The following PAFAH1B1 variants were observed in gnomAD, a reference collection of about 807,000 sequenced individuals.
PAFAH1B1 encodes the protein platelet activating factor acetylhydrolase 1b regulatory subunit 1, also known as platelet-activating factor acetylhydrolase IB subunit beta.
A neutral mutation model predicts 57.5 loss-of-function variants in PAFAH1B1; 2 were observed. That is an observed-to-expected ratio of 0.03 (90% CI 0.01 to 0.11). The LOEUF is 0.11. PAFAH1B1 is among the 10% of genes least tolerant of loss of function. The pLI is 1.00. For synonymous variants in PAFAH1B1, 152 were observed against 169.6 expected (o/e 0.90, Z 0.81); for missense variants, 257 against 512.0 (o/e 0.50, Z 4.81).
At chr17:2,631,163 C>T (rs1380170359) in intron 1 of PAFAH1B1, among the ~76,000 whole-genome samples, 2 of 152,034 alleles carry the variant, frequency 1.3e-5, no homozygotes, top group Non-Finnish European at 1.5e-5. Context: ...ATCACTAGAA[C>T]CCGGGAGGCA....
intron 1 of PAFAH1B1, among the ~76,000 whole-genome samples, chr17:2,637,050 T>G (rs1167520637): frequency 6.6e-6 from 1 of 152,160 alleles, no homozygotes; most frequent in African/African-American, 2.4e-5. Context: ...TTCACTGGCT[T>G]ATTCATTACT....
rs1427151210 is a variant in PAFAH1B1 at position 2,665,510 on chromosome 17, A to T, written c.117+54A>T. 5 of 1,020,906 alleles carry T rather than the reference A, an allele frequency of 4.9e-6. No individual in the cohort carries two copies. In the Admixed American group the frequency reaches 6.8e-5, roughly 14 times the overall value. 63.2% of individuals were successfully genotyped at this position (1,020,906 alleles called of 1,614,324 possible). A position where few individuals can be genotyped will look rare whatever the true frequency, so the allele number is the denominator to read the frequency against. Reference sequence around the variant, plus strand: ...ATAGTTAATGAGTGGATTTTCACTCAAGTATCTGTAGTTAACAGTTACGCA... The same window carrying T: ...ATAGTTAATGAGTGGATTTTCACTCTAGTATCTGTAGTTAACAGTTACGCA... On this transcript the variant is annotated intron_variant, in intron 3 of 10. Coordinates refer to ENST00000397195, the MANE Select transcript of PAFAH1B1 (RefSeq NM_000430.4).
chr17:2,646,846 C>G (rs1451644813), intron 2 of PAFAH1B1, among the ~76,000 whole-genome samples: 1 of 152,084 alleles, frequency 6.6e-6, no homozygotes, highest in Non-Finnish European at 1.5e-5. Context: ...ATCTTAAGGA[C>G]CATTTGCTTC....
intron 1 of PAFAH1B1, among the ~76,000 whole-genome samples, chr17:2,610,166 C>T (rs2068251751): frequency 6.6e-6 from 1 of 152,168 alleles, no homozygotes; most frequent in Non-Finnish European, 1.5e-5. Flanking sequence ...GCAGTTCTAT[C>T]ATTGGTGTTC....
chr17:2,657,800 C>A (rs2068956984), intron 2 of PAFAH1B1, among the ~76,000 whole-genome samples: 1 of 152,122 alleles, frequency 6.6e-6, no homozygotes, highest in African/African-American at 2.4e-5. Flanking sequence ...AGGCAAGGGA[C>A]CATATATAAC....
chr17:2,597,581 T>G (rs1350519724), intron 1 of PAFAH1B1, among the ~76,000 whole-genome samples: 1 of 151,774 alleles, frequency 6.6e-6, no homozygotes, highest in African/African-American at 2.4e-5. Flanking sequence ...TGGCTAATTT[T>G]TGTATTTTTA....
rs1288367124 is a variant in PAFAH1B1 at position 2,684,260 on chromosome 17, T to C, written c.*2458T>C. 1 of 152,666 alleles carries C rather than the reference T, an allele frequency of 6.6e-6. No homozygotes were observed. Among genetic ancestry groups the C allele is most frequent in the African/African-American group, 2.4e-5 (1 of 41,418 alleles). 9.5% of individuals were successfully genotyped at this position (152,666 alleles called of 1,614,324 possible). A position where few individuals can be genotyped will look rare whatever the true frequency, so the allele number is the denominator to read the frequency against. On this transcript the variant is annotated 3_prime_UTR_variant, in exon 11 of 11. Transcript: ENST00000397195. ...GTCCGTCTACAACCTGGAATCAGAT[T>C]TGCAAAATTTCCTGCACTGCTGTCT...
chr17:2,684,568 C>T lies in PAFAH1B1; in HGVS notation c.*2766C>T, dbSNP rs1242090089. 1 of 152,654 alleles carries T rather than the reference C, an allele frequency of 6.6e-6. No individual in the cohort carries two copies. The highest frequency in any genetic ancestry group is 2.4e-5 in the African/African-American group (1 of 41,444). 9.5% of individuals were successfully genotyped at this position (152,654 alleles called of 1,614,324 possible). A position where few individuals can be genotyped will look rare whatever the true frequency, so the allele number is the denominator to read the frequency against. ...ATTCCAGTGCCACCCAAATATATAT[C>T]TGTAACGTGCCCAAGAAATCCTAGC... On this transcript the variant is annotated 3_prime_UTR_variant, in exon 11 of 11. Transcript: ENST00000397195.
In PAFAH1B1 at chr17:2,680,328, C is replaced by T. The variant is rs199672477; in HGVS notation, c.1159+8C>T. The T allele has an allele frequency of 6.8e-5, 110 of 1,612,984 alleles. 1 individual carries two copies. The East Asian group carries it at 1.9e-3, about 28-fold the overall frequency. On this transcript the variant is annotated splice_region_variant and intron_variant, in intron 10 of 10. Transcript: ENST00000397195. The stretch of plus-strand genomic sequence containing the variant: ...ACTTTGTTACCTCCTTGGGTATGTA[C>T]GCCTCGCGAGGTCTCTGAACATTAG...
intron 2 of PAFAH1B1, among the ~76,000 whole-genome samples, chr17:2,652,230 GA>G (rs1464171448): frequency 6.6e-6 from 1 of 151,582 alleles, no homozygotes; most frequent in African/African-American, 2.4e-5. Flanking sequence ...CTAACACGGT[GA>G]AACCCCGTCT....
At chr17:2,598,204 G>A (rs555321610) in intron 1 of PAFAH1B1, among the ~76,000 whole-genome samples, 2 of 151,926 alleles carry the variant, frequency 1.3e-5, no homozygotes, top group Admixed American at 1.3e-4. Context: ...AGCCGAGATC[G>A]CACCATTACG....
intron 2 of PAFAH1B1, chr17:2,642,554 G>GA (rs1436491487): frequency 1.3e-5 from 2 of 152,050 alleles, no homozygotes; most frequent in Non-Finnish European, 2.9e-5. Flanking sequence ...CCATAATTTA[G>GA]AAAAAATGTC....
chr17:2,634,899 C>T (rs1160207702), intron 1 of PAFAH1B1, among the ~76,000 whole-genome samples: 3 of 152,166 alleles, frequency 2.0e-5, no homozygotes, highest in Non-Finnish European at 1.5e-5. Flanking sequence ...TGTGGTGGCT[C>T]AAGCCTGTAA....
chr17:2,635,827 A>G (rs2068615615), intron 1 of PAFAH1B1, among the ~76,000 whole-genome samples: 1 of 151,446 alleles, frequency 6.6e-6, no homozygotes, highest in Non-Finnish European at 1.5e-5. Context: ...TGAGCCAGGC[A>G]TGGTGGCTCA....
At chr17:2,678,371 C>T (rs1462509541) in intron 9 of PAFAH1B1, among the ~76,000 whole-genome samples, 4 of 142,622 alleles carry the variant, frequency 2.8e-5, no homozygotes, top group African/African-American at 1.1e-4. Context: ...CATTGTACTC[C>T]AGCCTGGGCA....
intron 2 of PAFAH1B1, among the ~76,000 whole-genome samples, chr17:2,659,999 C>T (rs1408744888): frequency 6.6e-6 from 1 of 152,044 alleles, no homozygotes; most frequent in Non-Finnish European, 1.5e-5. Context: ...ACAGTATAGC[C>T]CGGGGTGGTG....
chr17:2,648,222 T>C (rs1172478660), intron 2 of PAFAH1B1, among the ~76,000 whole-genome samples: 1 of 152,034 alleles, frequency 6.6e-6, no homozygotes, highest in Non-Finnish European at 1.5e-5. Flanking sequence ...GAGAACAGCA[T>C]GGGGGAACCA....
intron 1 of PAFAH1B1, among the ~76,000 whole-genome samples, chr17:2,623,630 GT>G (rs59737147): frequency 1.3e-3 from 173 of 132,968 alleles, no homozygotes; most frequent in Middle Eastern, 4.8e-3. Context: ...CTACTTCCCC[GT>G]TTTTTTTTTT....
chr17:2,620,636 G>A (rs563244746), intron 1 of PAFAH1B1, among the ~76,000 whole-genome samples: 2 of 152,206 alleles, frequency 1.3e-5, no homozygotes, highest in South Asian at 2.1e-4. Context: ...GGCCGAGGTC[G>A]GTAGATCACA....
Sources: gnomAD v4.1 joint callset for allele counts (sites outside exome capture counted in the v4.1 genomes callset) on GRCh38, gnomAD v4.1.1 for gene constraint, MANE v1.5 for transcripts, NCBI Gene and HGNC (gene_info 2026-07-23, HGNC 2026-07-21) for gene names.